The following HACD3 variants were observed in gnomAD, a reference collection of about 807,000 sequenced individuals.
HACD3 encodes very-long-chain (3R)-3-hydroxyacyl-CoA dehydratase 3.
Under a neutral mutation model 55.2 loss-of-function variants are expected in HACD3, and 30 were observed. That is an observed-to-expected ratio of 0.54 (90% CI 0.41 to 0.74). HACD3 has a LOEUF of 0.74. Among genes scored for constraint, HACD3 ranks in the 30% least tolerant of loss-of-function variants. HACD3 has a pLI of 0.00. For synonymous variants in HACD3, 141 were observed against 151.7 expected, an observed-to-expected ratio of 0.93 and a Z score of 0.52; for missense variants, 363 against 440.1, an observed-to-expected ratio of 0.82 and a Z score of 1.57.
intron 1 of HACD3, among the ~76,000 whole-genome samples, chr15:65,547,488 C>A (rs547248699): frequency 6.6e-6 from 1 of 152,196 alleles, no homozygotes; most frequent in Admixed American, 6.5e-5. Context: ...TTTCAGGCTC[C>A]TAGAAGGAAA....
chr15:65,576,542 T>G lies in HACD3; in HGVS notation c.*163T>G. 4.1e-6 allele frequency: 3 copies of G among 739,928 alleles called. No individual in the cohort carries two copies. The highest frequency in any genetic ancestry group is 6.4e-6 in the Non-Finnish European group (3 of 466,482). The allele number at this position is 739,928 out of a possible 1,614,324, so 45.8% of individuals were successfully genotyped here. On this transcript the variant is annotated 3_prime_UTR_variant, in exon 11 of 11. Coordinates refer to ENST00000261875, the MANE Select transcript of HACD3 (RefSeq NM_016395.4). ...AACATTCCTGAATTTACTGTTATCT[T>G]ATTGTAGTACTTGCATGACATGGAT...
intron 2 of HACD3, among the ~76,000 whole-genome samples, chr15:65,552,417 C>T (rs2072142919): frequency 6.6e-6 from 1 of 152,124 alleles, no homozygotes; most frequent in Non-Finnish European, 1.5e-5. Context: ...CTCACTGCAA[C>T]CTCCGCCTCC....
At chr15:65,551,326 T>C (rs113307382) in intron 1 of HACD3, among the ~76,000 whole-genome samples, 7 of 152,250 alleles carry the variant, frequency 4.6e-5, no homozygotes, top group African/African-American at 1.7e-4. Flanking sequence ...TCCTCTGTTC[T>C]ACAGCTCAGG....
chr15:65,555,444 A>G (rs927829182), intron 3 of HACD3, among the ~76,000 whole-genome samples: 1 of 152,208 alleles, frequency 6.6e-6, no homozygotes, highest in African/African-American at 2.4e-5. Context: ...AATGCTGCAG[A>G]TATCATCAAA....
chr15:65,568,366 ATT>A (rs869235514), intron 7 of HACD3, among the ~76,000 whole-genome samples: 1 of 143,924 alleles, frequency 6.9e-6, no homozygotes, highest in Non-Finnish European at 1.5e-5. Flanking sequence ...TGTTATGTGT[ATT>A]TTTTTTTTTT....
At chr15:65,540,308 A>T (rs146465666) in intron 1 of HACD3, among the ~76,000 whole-genome samples, 1 of 152,358 alleles carries the variant, frequency 6.6e-6, no homozygotes, top group South Asian at 2.1e-4. Context: ...TGAGCAACAC[A>T]TATAAAGGCA....
chr15:65,555,620 A>G (rs1195931558), intron 3 of HACD3, among the ~76,000 whole-genome samples: 2 of 152,216 alleles, frequency 1.3e-5, no homozygotes, highest in Admixed American at 6.5e-5. Context: ...AATAATAACC[A>G]GTGGTACAGT....
At chr15:65,536,101 C>T (rs1033388674) in intron 1 of HACD3, among the ~76,000 whole-genome samples, 1 of 152,190 alleles carries the variant, frequency 6.6e-6, no homozygotes, top group Non-Finnish European at 1.5e-5. Flanking sequence ...ACCGCAACCT[C>T]CGCCTCCCAG....
At position 65,576,949 on chromosome 15, in the gene HACD3, C is replaced by T. The variant is rs1411053426; in HGVS notation, c.*570C>T. On this transcript the variant is annotated 3_prime_UTR_variant, in exon 11 of 11. Coordinates refer to ENST00000261875, the MANE Select transcript of HACD3 (RefSeq NM_016395.4). Reference sequence around the variant, plus strand: ...AGAGAACATACTTTACATCTGACATCCTTTGGCCTAACAACATCTATTATT... The same window carrying T: ...AGAGAACATACTTTACATCTGACATTCTTTGGCCTAACAACATCTATTATT... 2 of 152,688 alleles carry T rather than the reference C, an allele frequency of 1.3e-5. No homozygotes were observed. The highest frequency in any genetic ancestry group is 2.9e-5 in the Non-Finnish European group (2 of 68,460). 9.5% of individuals were successfully genotyped at this position (152,688 alleles called of 1,614,324 possible). A position where few individuals can be genotyped will look rare whatever the true frequency, so the allele number is the denominator to read the frequency against.
intron 1 of HACD3, among the ~76,000 whole-genome samples, chr15:65,538,521 A>C (rs984797809): frequency 6.6e-6 from 1 of 152,234 alleles, no homozygotes; most frequent in African/African-American, 2.4e-5. Flanking sequence ...ATGGATGAGC[A>C]AAGAAAGTGA....
chr15:65,550,043 G>A (rs1309555356), intron 1 of HACD3, among the ~76,000 whole-genome samples: 1 of 152,184 alleles, frequency 6.6e-6, no homozygotes, highest in Non-Finnish European at 1.5e-5. Flanking sequence ...AGAAAGGGCA[G>A]TTCATAATGA....
chr15:65,556,918 T>C lies in HACD3; in HGVS notation c.369+15T>C. The C allele has an allele frequency of 6.2e-7, 1 of 1,604,366 alleles. No homozygotes were observed. Among genetic ancestry groups the C allele is most frequent in the Non-Finnish European group, 8.5e-7 (1 of 1,174,326 alleles). ...TCAGAGCTAAGGTTAGTAAGGATCC[T>C]AGGATCTAGCCATTGAGGACAAATC... On this transcript the variant is annotated intron_variant, in intron 4 of 10. Coordinates refer to ENST00000261875, the MANE Select transcript of HACD3 (RefSeq NM_016395.4).
At chr15:65,548,843 G>A (rs1048465840) in intron 1 of HACD3, among the ~76,000 whole-genome samples, 3 of 152,136 alleles carry the variant, frequency 2.0e-5, no homozygotes, top group African/African-American at 7.2e-5. Flanking sequence ...TGGGATTATA[G>A]GCATGAGCTA....
In HACD3 at chr15:65,576,520, A is replaced by G; in HGVS notation, c.*141A>G. ...GGCTATCTTCCTTTTCCCCAGTAAC[A>G]TTCCTGAATTTACTGTTATCTTATT... On this transcript the variant is annotated 3_prime_UTR_variant, in exon 11 of 11. Coordinates refer to ENST00000261875, the MANE Select transcript of HACD3 (RefSeq NM_016395.4). The G allele has an allele frequency of 1.2e-6, 1 of 863,640 alleles. No homozygotes were observed. 53.5% of individuals were successfully genotyped at this position (863,640 alleles called of 1,614,324 possible).
At chr15:65,545,305 G>A (rs2072064280) in intron 1 of HACD3, among the ~76,000 whole-genome samples, 1 of 152,158 alleles carries the variant, frequency 6.6e-6, no homozygotes, top group Non-Finnish European at 1.5e-5. Context: ...GTTAAAAATG[G>A]TTAATATGAA....
intron 1 of HACD3, among the ~76,000 whole-genome samples, chr15:65,549,791 A>T (rs2072115006): frequency 6.6e-6 from 1 of 152,136 alleles, no homozygotes; most frequent in African/African-American, 2.4e-5. Flanking sequence ...ATAGAAGAAA[A>T]GGTCCTTGAG....
intron 2 of HACD3, among the ~76,000 whole-genome samples, chr15:65,553,604 G>A (rs1030899878): frequency 1.3e-5 from 2 of 152,308 alleles, no homozygotes; most frequent in South Asian, 2.1e-4. Flanking sequence ...TTTTCAAGAT[G>A]AGAGTAGTCA....
In HACD3 at chr15:65,538,391, G is replaced by A. The variant is rs1223773548; in HGVS notation, c.87+7673G>A. ...TTGAGGGGTTCAAGACTTCAGTGGAGGTAGTAACTGCAGGTGTGGTAGAAA... is the reference window on the plus strand; with the variant it reads ...TTGAGGGGTTCAAGACTTCAGTGGAAGTAGTAACTGCAGGTGTGGTAGAAA... On this transcript the variant is annotated intron_variant, in intron 1 of 10. Coordinates refer to ENST00000261875, the MANE Select transcript of HACD3 (RefSeq NM_016395.4). Among the ~76,000 whole-genome samples the A allele has an allele frequency of 2.6e-5, 4 of 152,304 alleles. No homozygotes were observed. The South Asian group carries it at 6.2e-4, about 24-fold the overall frequency.
chr15:65,573,810 A>G (rs2072375265), intron 10 of HACD3, among the ~76,000 whole-genome samples: 1 of 152,194 alleles, frequency 6.6e-6, no homozygotes, highest in Non-Finnish European at 1.5e-5. Flanking sequence ...TAGTATGACA[A>G]CTAAGAACAT....
Sources: allele counts gnomAD v4.1 joint callset (sites outside exome capture counted in the v4.1 genomes callset), GRCh38; gene constraint gnomAD v4.1.1; transcripts MANE v1.5; gene names NCBI Gene and HGNC (gene_info 2026-07-23, HGNC 2026-07-21).